The following RHOF variants were observed in gnomAD, a reference collection of about 807,000 sequenced individuals.
The protein encoded by RHOF is rho-related GTP-binding protein RhoF.
RHOF carries 21 observed loss-of-function variants against 22.2 expected under a neutral mutation model. The observed-to-expected ratio is 0.95, with a 90% CI of 0.67 to 1.36. The LOEUF (loss-of-function observed/expected upper bound fraction) is 1.36, where lower values mean the gene tolerates loss of function less well. RHOF is among the 40% of genes most tolerant of loss of function. The pLI, the probability that RHOF is intolerant of heterozygous loss-of-function variation, is 0.00. For synonymous variants in RHOF, 135 were observed against 131.2 expected, an observed-to-expected ratio of 1.03 and a Z score of -0.20; for missense variants, 285 against 293.7, an observed-to-expected ratio of 0.97 and a Z score of 0.22.
chr12:121,779,834 GC>G, intron 4 of RHOF, 172 bp from the exon 5 acceptor site: 2 of 685,006 alleles, frequency 2.9e-6, no homozygotes, highest in Non-Finnish European at 4.8e-6. Context: ...GGAATGGAGG[GC>G]CAGGGCAGTG....
chr12:121,782,996 G>C (rs1874512466), intron 2 of RHOF: 1 of 152,246 alleles, frequency 6.6e-6, no homozygotes, highest in African/African-American at 2.4e-5. Context: ...TTAACATAAA[G>C]CATTCAACGC....
At chr12:121,779,820 G>A in intron 4 of RHOF, 158 bp from the exon 5 acceptor site, 1 of 756,144 alleles carries the variant, frequency 1.3e-6, no homozygotes, top group South Asian at 1.8e-5. Context: ...CACAGTGTGT[G>A]GGTGGAATGG....
intron 2 of RHOF, among the ~76,000 whole-genome samples, chr12:121,790,470 G>A (rs935384596): frequency 2.6e-5 from 4 of 152,248 alleles, no homozygotes; most frequent in African/African-American, 7.2e-5. Flanking sequence ...CCTGCAGGCC[G>A]AGATGAATCA....
In RHOF at chr12:121,781,078, C is replaced by T. The variant is rs763578268; in HGVS notation, c.336+5G>A. On this transcript the variant is annotated splice_donor_5th_base_variant and intron_variant, in intron 3 of 4. Coordinates refer to ENST00000267205, the MANE Select transcript of RHOF (RefSeq NM_019034.3). ...TGGGGCCACCACCCAGGAGGCCGGC[C>T]TCACCTTGATGAGGACGTTGTCGTA... 3.7e-6 allele frequency: 6 copies of T among 1,614,186 alleles called. No individual in the cohort carries two copies. Among genetic ancestry groups the T allele is most frequent in the Non-Finnish European group, 3.4e-6 (4 of 1,180,002 alleles).
At chr12:121,781,231 T>A in intron 2 of RHOF, 39 bp from the exon 3 acceptor site, 1 of 1,579,922 alleles carries the variant, frequency 6.3e-7, no homozygotes, top group Non-Finnish European at 8.7e-7. Flanking sequence ...GGACGTCCCC[T>A]CCCTGTCTGG....
chr12:121,786,743 A>G (rs1213131069), intron 2 of RHOF, among the ~76,000 whole-genome samples: 1 of 152,034 alleles, frequency 6.6e-6, no homozygotes, highest in East Asian at 1.9e-4. Context: ...TGATTTCACA[A>G]TACTTCTCTG....
chr12:121,782,045 G>A (rs1420788441), intron 2 of RHOF: 1 of 152,132 alleles, frequency 6.6e-6, no homozygotes, highest in Admixed American at 6.6e-5. Flanking sequence ...CAAACTTACA[G>A]TAAAATTGCA....
chr12:121,793,178 A>G lies in RHOF; in HGVS notation c.200T>C (p.Val67Ala). 2 of 1,550,578 alleles carry G rather than the reference A, an allele frequency of 1.3e-6. No homozygotes were observed. Among genetic ancestry groups the G allele is most frequent in the Non-Finnish European group, 1.7e-6 (2 of 1,146,794 alleles). ...GGCCGTGTCGTAGAGGTTCAGGGTC[A>G]CCTCCTTGCTGCCAACGGTCACGCT... is the stretch of plus-strand genomic sequence containing the variant. ...TASVTVGSKE[V>A]TLNLYDTAGQ... The change falls in exon 2 of 5, where the codon GTG (valine) becomes GCG (alanine). Residue 67 changes from valine (V) to alanine (A), a missense_variant. By Grantham distance (64) the Val-to-Ala change is moderately conservative. Transcript: ENST00000267205.
chr12:121,788,144 C>G (rs1874661004), intron 2 of RHOF, among the ~76,000 whole-genome samples: 1 of 152,148 alleles, frequency 6.6e-6, no homozygotes, highest in Non-Finnish European at 1.5e-5. Context: ...ATTGTTGGCC[C>G]CATTTTACAG....
intron 2 of RHOF, among the ~76,000 whole-genome samples, chr12:121,792,724 G>A (rs917245760): frequency 2.0e-5 from 3 of 152,218 alleles, no homozygotes; most frequent in Non-Finnish European, 2.9e-5. Flanking sequence ...CTGCAGCCGG[G>A]AGCATCCCAG....
At chr12:121,782,297 G>A (rs1874490592) in intron 2 of RHOF, 1 of 152,280 alleles carries the variant, frequency 6.6e-6, no homozygotes, top group Admixed American at 6.5e-5. Flanking sequence ...ACCATAGTCA[G>A]ATTTTGACCA....
intron 2 of RHOF, 36 bp downstream of exon 2, chr12:121,793,116 G>C: frequency 6.5e-7 from 1 of 1,528,738 alleles, no homozygotes. Flanking sequence ...TCGGGCGGGC[G>C]GACCCTCGGG....
intron 4 of RHOF, chr12:121,780,642 T>C (rs1040895318): frequency 2.2e-5 from 13 of 586,326 alleles, no homozygotes; most frequent in Non-Finnish European, 3.3e-5. Flanking sequence ...TTTCTCCCCC[T>C]GTAAACTGGG....
At chr12:121,790,710 C>G (rs1302162626) in intron 2 of RHOF, among the ~76,000 whole-genome samples, 1 of 152,132 alleles carries the variant, frequency 6.6e-6, no homozygotes, top group Non-Finnish European at 1.5e-5. Context: ...AGCCACCTCC[C>G]CTGAGCCCTG....
intron 2 of RHOF, among the ~76,000 whole-genome samples, chr12:121,791,032 C>T (rs2137506949): frequency 1.3e-5 from 2 of 152,008 alleles, no homozygotes; most frequent in East Asian, 3.9e-4. Context: ...TGCCAACACG[C>T]CTGGCTAATT....
In RHOF at chr12:121,779,894, T is replaced by C. The variant is rs1874384306; in HGVS notation, c.472-232A>G. ...CTGTCCAGGCCCCCACCCTGGCCTC[T>C]CTCCAGCTCCGGGCAGGGAGGGGCT... is the stretch of plus-strand genomic sequence containing the variant. On this transcript the variant is annotated intron_variant, in intron 4 of 4. Coordinates refer to ENST00000267205, the MANE Select transcript of RHOF (RefSeq NM_019034.3). 7 of 520,898 alleles carry C rather than the reference T, an allele frequency of 1.3e-5. No homozygotes were observed. The South Asian group carries it at 1.6e-4, about 12-fold the overall frequency. The allele number at this position is 520,898 out of a possible 1,614,324, so 32.3% of individuals were successfully genotyped here. A position where few individuals can be genotyped will look rare whatever the true frequency, so the allele number is the denominator to read the frequency against.
Position 121,780,917 on chromosome 12 carries a change from C to T in RHOF, c.426G>A (p.Leu142=). 1 of 1,613,966 alleles carries T rather than the reference C, an allele frequency of 6.2e-7. No individual in the cohort carries two copies. The highest frequency in any genetic ancestry group is 8.5e-7 in the Non-Finnish European group (1 of 1,179,958). ...CCAGCTGGGCGGCCCGGAGCTTCCGCAGCTGCTCCTTGTCCTTCCTCAGGT... is the reference window on the plus strand; with the variant it reads ...CCAGCTGGGCGGCCCGGAGCTTCCGTAGCTGCTCCTTGTCCTTCCTCAGGT... The part of the protein sequence containing the change: ...KTDLRKDKEQ[L]RKLRAAQLEP... The change falls in exon 4 of 5, where the codon CTG becomes CTA. Residue 142 remains leucine, a synonymous_variant. Coordinates refer to ENST00000267205, the MANE Select transcript of RHOF (RefSeq NM_019034.3).
chr12:121,789,207 G>T (rs1223550553), intron 2 of RHOF, among the ~76,000 whole-genome samples: 1 of 151,724 alleles, frequency 6.6e-6, no homozygotes. Context: ...TCCAGCCTGG[G>T]TGACAGAGCG....
At chr12:121,784,622 T>C (rs1197996628) in intron 2 of RHOF, among the ~76,000 whole-genome samples, 2 of 151,318 alleles carry the variant, frequency 1.3e-5, no homozygotes, top group Non-Finnish European at 2.9e-5. Context: ...TCCCACAACA[T>C]AGGAAGAACC....
Sources: gnomAD v4.1 joint callset for allele counts (sites outside exome capture counted in the v4.1 genomes callset) on GRCh38, gnomAD v4.1.1 for gene constraint, MANE v1.5 for transcripts, NCBI Gene and HGNC (gene_info 2026-07-23, HGNC 2026-07-21) for gene names.